TUBGCP6: variants seen among roughly 807,000 people sequenced by gnomAD.
TUBGCP6 encodes the protein gamma-tubulin complex component 6.
In TUBGCP6, 161 loss-of-function variants were observed where a neutral mutation model predicts 175.8. That is an observed-to-expected ratio of 0.92 (90% CI 0.81 to 1.04). The LOEUF is 1.04. TUBGCP6 is among the 50% of genes least tolerant of loss of function. The pLI, the probability that TUBGCP6 is intolerant of heterozygous loss-of-function variation, is 0.00. For missense variants in TUBGCP6, 2,572 were observed against 2,433.0 expected (o/e 1.06, Z -1.20); for synonymous variants, 1,173 against 1,030.5 (o/e 1.14, Z -2.65).
At chr22:50,217,882 C>T (rs747848123) in intron 24 of TUBGCP6, 36 bp downstream of exon 24, 5 of 1,601,400 alleles carry the variant, frequency 3.1e-6, no homozygotes, top group Middle Eastern at 1.7e-4. Flanking sequence ...CCCGCCCTGG[C>T]CCCCCCGCAG....
intron 1 of TUBGCP6, among the ~76,000 whole-genome samples, chr22:50,242,342 C>T (rs2064850405): frequency 6.6e-6 from 1 of 150,712 alleles, no homozygotes; most frequent in Non-Finnish European, 1.5e-5. Context: ...ATATAAAATA[C>T]AAAAATTAGC....
intron 16 of TUBGCP6, 66 bp downstream of exon 16, chr22:50,220,185 C>T (rs764564501): frequency 1.5e-5 from 24 of 1,548,914 alleles, no homozygotes; most frequent in Admixed American, 1.5e-4. Flanking sequence ...CCCCACTGCC[C>T]GCCTACCTCC....
chr22:50,217,724 C>A lies in TUBGCP6; in HGVS notation c.*12G>T, dbSNP rs754995187. 4.3e-6 allele frequency: 7 copies of A among 1,613,190 alleles called. No homozygotes were observed. Among genetic ancestry groups the A allele is most frequent in the Non-Finnish European group, 3.4e-6 (4 of 1,179,536 alleles). ...GAACACCTTTATTGTGCACGTCCCC[C>A]GCAGAGCAGCCTCAGGCGTCCTGGT... On this transcript the variant is annotated 3_prime_UTR_variant, in exon 25 of 25. Coordinates refer to ENST00000248846, the MANE Select transcript of TUBGCP6 (RefSeq NM_020461.4).
In TUBGCP6 at chr22:50,221,912, G is replaced by A. The variant is rs180684296; in HGVS notation, c.2485-38C>T. The A allele has an allele frequency of 4.9e-5, 76 of 1,543,082 alleles. No homozygotes were observed. In the East Asian group the frequency reaches 1.6e-3, roughly 32 times the overall value. On this transcript the variant is annotated intron_variant, in intron 15 of 24. Transcript: ENST00000248846. ...TGACATCAGACCCAGTCTGGTCTCA[G>A]GACCCCCCAGCCCTCGAACTGTCCC...
In TUBGCP6 at chr22:50,240,321, G is replaced by A. The variant is rs745791632; in HGVS notation, c.788C>T (p.Ala263Val). ...CTGGGAATCAGGAGTCAAGTTGGAC[G>A]CTGACTGGAATCCTTCGTCTTCCCA... ...DQWEDEGFQS[A>V]SNLTPDSQSE... is the part of the protein sequence containing the mutation. The change falls in exon 2 of 25, where the codon GCG becomes GTG. Residue 263 changes from alanine to valine, a missense_variant. Coordinates refer to ENST00000248846, the MANE Select transcript of TUBGCP6 (RefSeq NM_020461.4). 7.4e-6 allele frequency: 12 copies of A among 1,613,886 alleles called. No individual in the cohort carries two copies. Among genetic ancestry groups the A allele is most frequent in the South Asian group, 3.3e-5 (3 of 91,082 alleles).
In TUBGCP6 at chr22:50,228,006, C is replaced by T; in HGVS notation, c.1313G>A (p.Arg438Lys). The T allele has an allele frequency of 1.3e-6, 2 of 1,563,986 alleles. No individual in the cohort carries two copies. The highest frequency in any genetic ancestry group is 1.7e-6 in the Non-Finnish European group (2 of 1,154,186). Reference protein sequence around the residue: ...VFQAFTSGLRRYLQYYRACVL... With the variant: ...VFQAFTSGLRKYLQYYRACVL... ...GCAGGCCCGGTAATACTGCAGGTAC[C>T]TCCTCAGGCCACTGGTGAAGGCCTG... Residue 438 changes from arginine (R) to lysine (K), a missense_variant, in exon 5 of 25, where the codon AGG becomes AAG. Physicochemically the swap from Arg to Lys is conservative, Grantham distance 26. Coordinates refer to ENST00000248846, the MANE Select transcript of TUBGCP6 (RefSeq NM_020461.4).
At position 50,220,078 on chromosome 22, in the gene TUBGCP6, G is replaced by C. The variant is rs570150774; in HGVS notation, c.4109-63C>G. 5.3e-5 allele frequency: 83 copies of C among 1,571,362 alleles called. No individual in the cohort carries two copies. The Admixed American group carries it at 1.4e-3, about 27-fold the overall frequency. ...GAGTGCCTGTGGCGGGTACAGAGCC[G>C]AGCCGGCCCTGGCTCAAGCAGCCCC... is the stretch of plus-strand genomic sequence containing the variant. On this transcript the variant is annotated intron_variant, in intron 16 of 24. Transcript: ENST00000248846.
At position 50,217,976 on chromosome 22, in the gene TUBGCP6, A is replaced by G. The variant is rs956812769; in HGVS notation, c.5310T>C (p.Phe1770=). ...TGTTGTAGGACTGCTGCATGAGTGC[A>G]AAGTTGGGGTGCTCTGCACCCCGCG... is the stretch of plus-strand genomic sequence containing the variant. ...GGPRGAEHPN[F]ALMQQSYNTF... Residue 1770 remains phenylalanine (F), a synonymous_variant, in exon 24 of 25, where the codon TTT becomes TTC. Transcript: ENST00000248846. 5.6e-6 allele frequency: 9 copies of G among 1,610,478 alleles called. No individual in the cohort carries two copies. The highest frequency in any genetic ancestry group is 7.6e-6 in the Non-Finnish European group (9 of 1,178,944).
At chr22:50,225,574 C>T (rs2064593237) in intron 10 of TUBGCP6, among the ~76,000 whole-genome samples, 1 of 150,722 alleles carries the variant, frequency 6.6e-6, no homozygotes, top group East Asian at 2.0e-4. Context: ...ACATTCATCT[C>T]AGCTCCCCCT....
chr22:50,226,976 C>A, intron 6 of TUBGCP6, 23 bp downstream of exon 6: 1 of 1,608,272 alleles, frequency 6.2e-7, no homozygotes, highest in Non-Finnish European at 8.5e-7. Flanking sequence ...GGCTGACACA[C>A]TCGGCAGGGA....
intron 2 of TUBGCP6, among the ~76,000 whole-genome samples, chr22:50,237,983 G>A (rs1183285614): frequency 5.3e-5 from 8 of 152,144 alleles, no homozygotes; most frequent in South Asian, 2.1e-4. Context: ...TTAGCCAGGC[G>A]TGGTGTCCCA....
Position 50,224,171 on chromosome 22 carries a change from G to C in TUBGCP6, c.2240C>G (p.Ser747Cys). Reference protein sequence around the residue: ...ELRDRERRLKSLEEELERKAR... With the variant: ...ELRDRERRLKCLEEELERKAR... The stretch of plus-strand genomic sequence containing the variant: ...CTTCCTCTCCAGCTCCTCCTCCAGG[G>C]ACTTCAGCCTTCTCTCCCTGTCTCG... The change falls in exon 13 of 25, where the codon TCC becomes TGC. Residue 747 changes from serine to cysteine, a missense_variant. By Grantham distance (112) the Ser-to-Cys change is moderately radical. Transcript: ENST00000248846. 6.2e-7 allele frequency: 1 copy of C among 1,613,912 alleles called. No homozygotes were observed. The highest frequency in any genetic ancestry group is 1.1e-5 in the South Asian group (1 of 91,068).
Position 50,243,710 on chromosome 22 carries a change from A to G in TUBGCP6, c.741+9T>C. The G allele has an allele frequency of 6.3e-7, 1 of 1,589,352 alleles. No individual in the cohort carries two copies. Among genetic ancestry groups the G allele is most frequent in the Non-Finnish European group, 8.6e-7 (1 of 1,164,312 alleles). ...AGAGAGATGAAAGAGGAAAAACTAA[A>G]CATTCTACCTTAATAGCCAGCCCAG... On this transcript the variant is annotated intron_variant, in intron 1 of 24. Coordinates refer to ENST00000248846, the MANE Select transcript of TUBGCP6 (RefSeq NM_020461.4).
intron 22 of TUBGCP6, 41 bp from the exon 23 acceptor site, chr22:50,218,443 C>T: frequency 6.2e-7 from 1 of 1,612,942 alleles, no homozygotes; most frequent in Non-Finnish European, 8.5e-7. Flanking sequence ...GTGAGCGCAG[C>T]CTCCAGCCAG....
chr22:50,225,754 A>G (rs754321754), intron 10 of TUBGCP6, 40 bp downstream of exon 10: 8 of 1,583,164 alleles, frequency 5.1e-6, no homozygotes, highest in African/African-American at 1.3e-5. Flanking sequence ...AAGCAGAGGC[A>G]GGGGCGAAGA....
Position 50,217,800 on chromosome 22 carries a change from T to G in TUBGCP6, c.5396A>C (p.Tyr1799Ser). Residue 1799 changes from tyrosine (Y) to serine (S), a missense_variant, in exon 25 of 25, where the codon TAC becomes TCC. Tyr to Ser is a moderately radical substitution (Grantham distance 144). Coordinates refer to ENST00000248846, the MANE Select transcript of TUBGCP6 (RefSeq NM_020461.4). The stretch of plus-strand genomic sequence containing the variant: ...CAGAAAGTCCTCCAGGTGGGGCTGG[T>G]AGCCGCGGTTCACCAGCTTGGTCAC... The part of the protein sequence containing the change: ...KVVTKLVNRG[Y>S]QPHLEDFLLR... The G allele has an allele frequency of 6.2e-7, 1 of 1,613,920 alleles. No homozygotes were observed. The highest frequency in any genetic ancestry group is 8.5e-7 in the Non-Finnish European group (1 of 1,180,008).
Position 50,220,296 on chromosome 22 carries a change from G to A in TUBGCP6, c.4063C>T (p.Pro1355Ser), listed in dbSNP as rs1217992102. ...TCTCCCGGGGTGTTGGGCCACCATGGTTGGGTGGGAGCCACGTCTGACACG... is the reference window on the plus strand; with the variant it reads ...TCTCCCGGGGTGTTGGGCCACCATGATTGGGTGGGAGCCACGTCTGACACG... ...ENVSDVAPTQ[P>S]WWPNTPGDSV... is the part of the protein sequence containing the mutation. Residue 1355 changes from proline to serine, a missense_variant, in exon 16 of 25, where the codon CCA (proline) becomes TCA (serine). Transcript: ENST00000248846. 1 of 1,576,090 alleles carries A rather than the reference G, an allele frequency of 6.3e-7. No homozygotes were observed. The highest frequency in any genetic ancestry group is 1.2e-5 in the South Asian group (1 of 86,268).
At chr22:50,225,772 C>T (rs546305259) in intron 10 of TUBGCP6, 22 bp downstream of exon 10, 65 of 1,600,588 alleles carry the variant, frequency 4.1e-5, no homozygotes, top group Non-Finnish European at 4.8e-5. Context: ...AGAAAGCCCC[C>T]GAGACCTGTG....
At chr22:50,226,214 G>C in intron 8 of TUBGCP6, 25 bp from the exon 9 acceptor site, 1 of 1,614,072 alleles carries the variant, frequency 6.2e-7, no homozygotes, top group Non-Finnish European at 8.5e-7. Flanking sequence ...ACACCACGGT[G>C]GCCGGCATGG....
Sources: gnomAD v4.1 joint callset for allele counts (sites outside exome capture counted in the v4.1 genomes callset) on GRCh38, gnomAD v4.1.1 for gene constraint, MANE v1.5 for transcripts, NCBI Gene and HGNC (gene_info 2026-07-23, HGNC 2026-07-21) for gene names.